The following RNF115 variants were observed in gnomAD, a reference collection of about 807,000 sequenced individuals.
The protein encoded by RNF115 is ring finger protein 115, also known as E3 ubiquitin-protein ligase RNF115.
RNF115 carries 31 observed loss-of-function variants against 39.2 expected under a neutral mutation model. The observed-to-expected ratio is 0.79, with a 90% CI of 0.59 to 1.07. The LOEUF (loss-of-function observed/expected upper bound fraction) is 1.07, where lower values mean the gene tolerates loss of function less well. Ranked by LOEUF, RNF115 falls within the 50% of genes least tolerant of loss-of-function variation. RNF115 has a pLI of 0.00. For missense variants in RNF115, 384 were observed against 381.7 expected (o/e 1.01, Z -0.05); for synonymous variants, 124 against 131.0 (o/e 0.95, Z 0.37).
At chr1:145,767,760 T>TA (rs782215565) in intron 4 of RNF115, among the ~76,000 whole-genome samples, 39 of 152,360 alleles carry the variant, frequency 2.6e-4, no homozygotes, top group Middle Eastern at 3.4e-3. Flanking sequence ...CACTCGCGGT[T>TA]AGCAGCTGGA....
rs587739435 is a variant in RNF115, at chr1:145,794,938, A to C, written c.103-5972T>G. On this transcript the variant is annotated intron_variant, in intron 1 of 8. Coordinates refer to ENST00000582693, the MANE Select transcript of RNF115 (RefSeq NM_014455.4). ...AGGCTGAAGCAGGAGAATGGTGTGA[A>C]CCCGGGAGGCGGAGCTTGCCGTGAG... Among the ~76,000 whole-genome samples the C allele has an allele frequency of 6.9e-5, 10 of 145,028 alleles. No individual in the cohort carries two copies. In the East Asian group the frequency reaches 2.1e-3, roughly 30 times the overall value.
In RNF115 at chr1:145,750,427, G is replaced by C. The variant is rs1486755603; in HGVS notation, c.647C>G (p.Thr216Arg). Residue 216 changes from threonine to arginine, a missense_variant, in exon 7 of 9, where the codon ACA becomes AGA. By Grantham distance (71) the Thr-to-Arg change is moderately conservative (BLOSUM62 -1). Coordinates refer to ENST00000582693, the MANE Select transcript of RNF115 (RefSeq NM_014455.4). ...KEKITSLPTV[T>R]VTQEQVDMGL... ...CCTACCAACTTGTTCCTGAGTTACT[G>C]TCACTGTTGGAAGAGATGTGATCTT... The C allele has an allele frequency of 6.2e-7, 1 of 1,613,362 alleles. No homozygotes were observed. The highest frequency in any genetic ancestry group is 8.5e-7 in the Non-Finnish European group (1 of 1,179,504).
At chr1:145,807,891 C>G (rs1349134037) in intron 1 of RNF115, among the ~76,000 whole-genome samples, 1 of 152,148 alleles carries the variant, frequency 6.6e-6, no homozygotes, top group African/African-American at 2.4e-5. Context: ...CATTCTCTAC[C>G]TGCATGAAAT....
intron 4 of RNF115, among the ~76,000 whole-genome samples, chr1:145,756,149 A>G (rs782105540): frequency 2.6e-5 from 4 of 152,148 alleles, no homozygotes; most frequent in Admixed American, 6.6e-5. Flanking sequence ...GGATCAGACT[A>G]TAACACTTCT....
intron 1 of RNF115, among the ~76,000 whole-genome samples, chr1:145,794,407 T>C (rs1265347290): frequency 6.6e-6 from 1 of 152,076 alleles, no homozygotes; most frequent in Non-Finnish European, 1.5e-5. Flanking sequence ...TTTTGATTCT[T>C]TGAACTCATC....
rs1419904941 is a variant in RNF115 at position 145,795,350 on chromosome 1, A to C, written c.103-6384T>G. On this transcript the variant is annotated intron_variant, in intron 1 of 8. Transcript: ENST00000582693. Reference sequence around the variant, plus strand: ...AAGAACAAAGCTTCCACAACGCGGAAGGGACCCAAGCTGCTTGCTGCTGCT... The same window carrying C: ...AAGAACAAAGCTTCCACAACGCGGACGGGACCCAAGCTGCTTGCTGCTGCT... Among the ~76,000 whole-genome samples, 3 of 152,108 alleles carry C rather than the reference A, an allele frequency of 2.0e-5. 1 individual carries two copies. Among genetic ancestry groups the C allele is most frequent in the Non-Finnish European group, 4.4e-5 (3 of 68,022 alleles).
intron 2 of RNF115, chr1:145,786,999 TA>T: frequency 8.4e-7 from 1 of 1,189,368 alleles, no homozygotes; most frequent in Non-Finnish European, 1.1e-6. Context: ...AAAGTAAAAC[TA>T]ATAGTACATA....
chr1:145,757,699 A>G (rs988599365), intron 4 of RNF115, among the ~76,000 whole-genome samples: 1 of 152,196 alleles, frequency 6.6e-6, no homozygotes, highest in Non-Finnish European at 1.5e-5. Flanking sequence ...AACTATCAGA[A>G]TTGCTGTGAA....
chr1:145,768,377 G>A (rs1045803278), intron 4 of RNF115, among the ~76,000 whole-genome samples: 5 of 152,324 alleles, frequency 3.3e-5, no homozygotes, highest in Middle Eastern at 3.4e-3. Flanking sequence ...GTACAGTGGC[G>A]CAATCTCGGC....
At chr1:145,791,350 T>TAAAA (rs144482903) in intron 1 of RNF115, among the ~76,000 whole-genome samples, 1 of 139,686 alleles carries the variant, frequency 7.2e-6, no homozygotes, top group African/African-American at 2.7e-5. Context: ...CATCTCTACT[T>TAAAA]AAAAAAAAAA....
At chr1:145,814,826 G>A (rs1321810746) in intron 1 of RNF115, among the ~76,000 whole-genome samples, 1 of 152,146 alleles carries the variant, frequency 6.6e-6, no homozygotes, top group Non-Finnish European at 1.5e-5. Context: ...AGATATTGCA[G>A]TGAATATATG....
intron 3 of RNF115, among the ~76,000 whole-genome samples, chr1:145,775,392 T>C (rs1347709040): frequency 3.3e-5 from 5 of 150,420 alleles, no homozygotes; most frequent in Admixed American, 3.3e-4. Flanking sequence ...TTTGTGAATG[T>C]GGCCTTTTTT....
chr1:145,757,918 G>A (rs782619920), intron 4 of RNF115, among the ~76,000 whole-genome samples: 4 of 152,186 alleles, frequency 2.6e-5, no homozygotes, highest in African/African-American at 4.8e-5. Flanking sequence ...CTAGTTAAAA[G>A]GACAGCTACC....
intron 1 of RNF115, among the ~76,000 whole-genome samples, chr1:145,791,373 A>G (rs960126668): frequency 6.8e-5 from 10 of 146,174 alleles, no homozygotes; most frequent in Admixed American, 2.8e-4. Context: ...AAAATTAGCC[A>G]TGGTGGCACA....
Position 145,741,738 on chromosome 1 carries a change from C to G in RNF115, c.*5128G>C. 1 of 152,382 alleles carries G rather than the reference C, an allele frequency of 6.6e-6. No individual in the cohort carries two copies. The highest frequency in any genetic ancestry group is 2.1e-4 in the South Asian group (1 of 4,828). 9.4% of individuals were successfully genotyped at this position (152,382 alleles called of 1,614,324 possible). On this transcript the variant is annotated 3_prime_UTR_variant, in exon 9 of 9. Transcript: ENST00000582693. ...ACAGCACTTTTACCTTCCGATCGCT[C>G]TACCACAGAGGCCAAAAAGGGTTTT...
intron 4 of RNF115, among the ~76,000 whole-genome samples, chr1:145,761,144 A>G (rs1658487136): frequency 6.6e-6 from 1 of 152,208 alleles, no homozygotes; most frequent in Non-Finnish European, 1.5e-5. Flanking sequence ...GGGTGCTGTT[A>G]ACCAGTTTTA....
chr1:145,802,382 T>C (rs1553720992), intron 1 of RNF115, among the ~76,000 whole-genome samples: 1 of 152,334 alleles, frequency 6.6e-6, no homozygotes, highest in Non-Finnish European at 1.5e-5. Flanking sequence ...GTGGTTTTAA[T>C]GCATTATTTC....
At chr1:145,802,688 A>G (rs1649301105) in intron 1 of RNF115, among the ~76,000 whole-genome samples, 1 of 152,212 alleles carries the variant, frequency 6.6e-6, no homozygotes, top group Non-Finnish European at 1.5e-5. Context: ...AAAAAAAAGA[A>G]GCCCATTTTC....
intron 4 of RNF115, among the ~76,000 whole-genome samples, 170 bp downstream of exon 4, chr1:145,771,541 T>C (rs116613713): frequency 0.027 from 4,120 of 152,306 alleles, 198 homozygotes; most frequent in African/African-American, 0.094. Context: ...ACTCTCTGGT[T>C]TATCATCGGG....
Sources: allele counts gnomAD v4.1 joint callset (sites outside exome capture counted in the v4.1 genomes callset), GRCh38; gene constraint gnomAD v4.1.1; transcripts MANE v1.5; gene names NCBI Gene and HGNC (gene_info 2026-07-23, HGNC 2026-07-21).